Variants in SRGAP3 observed in about 807,000 individuals in gnomAD.
SRGAP3 encodes SLIT-ROBO Rho GTPase-activating protein 3.
A neutral mutation model predicts 121.1 loss-of-function variants in SRGAP3; 39 were observed. That is an observed-to-expected ratio of 0.32 (90% CI 0.25 to 0.42). SRGAP3 has a LOEUF of 0.42. Ranked by LOEUF, SRGAP3 falls within the 10% of genes least tolerant of loss-of-function variation. The probability of loss-of-function intolerance (pLI) is 1.00; values close to 1 mark genes in which losing one functional copy is unlikely to be tolerated. For missense variants in SRGAP3, 1,213 were observed against 1,470.6 expected (o/e 0.82, Z 2.86); for synonymous variants, 601 against 570.0 (o/e 1.05, Z -0.77).
chr3:8,995,739 T>C (rs1255560345), intron 18 of SRGAP3, among the ~76,000 whole-genome samples: 1 of 152,210 alleles, frequency 6.6e-6, no homozygotes, highest in Non-Finnish European at 1.5e-5. Flanking sequence ...ATTCCACCTG[T>C]TTTATAGTTT....
At chr3:8,988,140 G>GA (rs1308500897) in intron 21 of SRGAP3, among the ~76,000 whole-genome samples, 1 of 152,178 alleles carries the variant, frequency 6.6e-6, no homozygotes, top group Non-Finnish European at 1.5e-5. Flanking sequence ...AGTCTCCAGA[G>GA]CTGAGCGGCA....
rs112188160 is a variant in SRGAP3, at chr3:9,360,198, G to A, written n.214+2642C>T. Among the ~76,000 whole-genome samples, 366 of 152,270 alleles carry A rather than the reference G, an allele frequency of 2.4e-3. 1 individual carries two copies. Among genetic ancestry groups the A allele is most frequent in the African/African-American group, 8.6e-3 (357 of 41,572 alleles). ...CCCGCCTCTGCCTCCCAAATTGCTA[G>A]AATTACAGGCATGAGCCAGCATGCC... On this transcript the variant is annotated intron_variant and non_coding_transcript_variant, in intron 1 of 3. Coordinates refer to the SRGAP3 transcript ENST00000490889.
chr3:9,202,832 A>C (rs529387432), intron 1 of SRGAP3, among the ~76,000 whole-genome samples: 2 of 152,242 alleles, frequency 1.3e-5, no homozygotes, highest in Non-Finnish European at 1.5e-5. Flanking sequence ...AGTGGCTGAC[A>C]GCTCCCAGCG....
intron 1 of SRGAP3, among the ~76,000 whole-genome samples, chr3:9,242,258 T>A (rs1574928955): frequency 1.3e-5 from 2 of 152,162 alleles, no homozygotes; most frequent in East Asian, 3.9e-4. Flanking sequence ...CTTCCCAGCC[T>A]CCAGAATTCT....
intron 3 of SRGAP3, among the ~76,000 whole-genome samples, chr3:9,299,898 C>T (rs190575670): frequency 0.013 from 1,981 of 152,106 alleles, 22 homozygotes; most frequent in Non-Finnish European, 0.018. Flanking sequence ...GAGTGAGACT[C>T]TATCTCAAAA....
intron 19 of SRGAP3, chr3:8,994,023 G>A (rs1469434389): frequency 1.4e-5 from 6 of 418,050 alleles, no homozygotes; most frequent in East Asian, 1.0e-4. Context: ...CCTAGGAGGT[G>A]GAGGCACATG....
intron 4 of SRGAP3, among the ~76,000 whole-genome samples, chr3:9,074,507 A>T (rs900652726): frequency 6.6e-6 from 1 of 152,168 alleles, no homozygotes; most frequent in African/African-American, 2.4e-5. Context: ...GGAACTTAAA[A>T]AGGGAGGGGA....
At position 8,985,555 on chromosome 3, in the gene SRGAP3, G is replaced by A. The variant is rs745815373; in HGVS notation, c.3264C>T (p.Phe1088=). The stretch of plus-strand genomic sequence containing the variant: ...CCGACTTGTCCGCTGAGCTGTTGGG[G>A]AACATCTTCTCGGTGGGCGTCACGG... ...SPAVTPTEKM[F]PNSSADKSGT... is the part of the protein sequence containing the mutation. Residue 1088 remains phenylalanine (F), a synonymous_variant, in exon 22 of 22, where the codon TTC becomes TTT. Coordinates refer to ENST00000383836, the MANE Select transcript of SRGAP3 (RefSeq NM_014850.4). This position sits in a 1 kb window ranked among gnomAD's most constrained non-coding sequence, Gnocchi z 5.1. 6.3e-7 allele frequency: 1 copy of A among 1,598,848 alleles called. No individual in the cohort carries two copies. Among genetic ancestry groups the A allele is most frequent in the Non-Finnish European group, 8.5e-7 (1 of 1,179,464 alleles).
intron 2 of SRGAP3, among the ~76,000 whole-genome samples, chr3:9,327,283 A>G (rs1410937894): frequency 1.3e-5 from 2 of 151,986 alleles, no homozygotes; most frequent in South Asian, 2.1e-4. Flanking sequence ...AAAAAACTGA[A>G]TAACACCATT....
chr3:9,259,550 C>T (rs1234856218), intron 3 of SRGAP3, among the ~76,000 whole-genome samples: 1 of 152,232 alleles, frequency 6.6e-6, no homozygotes, highest in Non-Finnish European at 1.5e-5. Flanking sequence ...CTCAAAGGAT[C>T]TTCCTGCCTC....
intron 1 of SRGAP3, among the ~76,000 whole-genome samples, chr3:9,140,632 C>T (rs1302794066): frequency 6.6e-6 from 1 of 152,220 alleles, no homozygotes; most frequent in African/African-American, 2.4e-5. Flanking sequence ...TCAACCCTAT[C>T]GTTACCCAAC....
chr3:9,182,419 G>A (rs13060995), intron 1 of SRGAP3, among the ~76,000 whole-genome samples: 40,573 of 151,554 alleles, frequency 0.27, 6,180 homozygotes, highest in South Asian at 0.41. Context: ...GAACCAAAGC[G>A]AGGCATCTAC....
chr3:9,060,214 C>T lies in SRGAP3; in HGVS notation c.801+17G>A. 1 of 1,613,878 alleles carries T rather than the reference C, an allele frequency of 6.2e-7. No individual in the cohort carries two copies. The highest frequency in any genetic ancestry group is 1.1e-5 in the South Asian group (1 of 91,078). The stretch of plus-strand genomic sequence containing the variant: ...GGTGTGGGCCCTGCTCAGTCCCAGA[C>T]TCCCCAGGGAGCTCACATCGATCAG... On this transcript the variant is annotated intron_variant, in intron 6 of 21. Coordinates refer to ENST00000383836, the MANE Select transcript of SRGAP3 (RefSeq NM_014850.4).
intron 3 of SRGAP3, among the ~76,000 whole-genome samples, chr3:9,270,977 T>C (rs759351955): frequency 1.3e-5 from 2 of 152,202 alleles, no homozygotes; most frequent in Non-Finnish European, 2.9e-5. Flanking sequence ...AGGATTTTTG[T>C]TTTGTTTTTC....
chr3:9,230,650 C>T (rs928263543), intron 1 of SRGAP3, among the ~76,000 whole-genome samples: 1 of 152,068 alleles, frequency 6.6e-6, no homozygotes, highest in African/African-American at 2.4e-5. Flanking sequence ...GCAGGAGGAT[C>T]GCTTGTGCCT....
At chr3:9,128,706 A>C (rs971927023) in intron 1 of SRGAP3, among the ~76,000 whole-genome samples, 3 of 152,234 alleles carry the variant, frequency 2.0e-5, no homozygotes, top group Admixed American at 1.3e-4. Flanking sequence ...TCTAGTAAGA[A>C]TAGAATGGAT....
At chr3:9,008,067 C>T (rs1454655097) in intron 18 of SRGAP3, 2 of 152,220 alleles carry the variant, frequency 1.3e-5, no homozygotes, top group African/African-American at 4.8e-5. Context: ...CTGCCTTTGT[C>T]ATTCCCAGAA....
rs375152533 is a variant in SRGAP3 at position 9,013,728 on chromosome 3, G to C, written c.1919+9C>G. 31 of 1,614,088 alleles carry C rather than the reference G, an allele frequency of 1.9e-5. No individual in the cohort carries two copies. In the African/African-American group the frequency reaches 3.7e-4, roughly 19 times the overall value. On this transcript the variant is annotated intron_variant, in intron 16 of 21. Coordinates refer to ENST00000383836, the MANE Select transcript of SRGAP3 (RefSeq NM_014850.4). ...GAGTCAAAAAGGGGCCCCTTGGCCAGACACTCACTGGTTGAGGAAAGCGAA... is the reference window on the plus strand; with the variant it reads ...GAGTCAAAAAGGGGCCCCTTGGCCACACACTCACTGGTTGAGGAAAGCGAA...
At chr3:9,344,853 G>T (rs1955856579) in intron 1 of SRGAP3, among the ~76,000 whole-genome samples, 2 of 152,014 alleles carry the variant, frequency 1.3e-5, no homozygotes, top group Non-Finnish European at 2.9e-5. Flanking sequence ...TGGCCAACAT[G>T]GTGAAAAACC....
Sources: allele counts gnomAD v4.1 joint callset (sites outside exome capture counted in the v4.1 genomes callset), GRCh38; gene constraint gnomAD v4.1.1; non-coding constraint Gnocchi (gnomAD v3.1); transcripts MANE v1.5; gene names NCBI Gene and HGNC (gene_info 2026-07-23, HGNC 2026-07-21).